ZNF175: variants seen among roughly 807,000 people sequenced by gnomAD.
The protein encoded by ZNF175 is zinc finger protein OTK18.
In ZNF175, 8 loss-of-function variants were observed where a neutral mutation model predicts 14.0. The observed-to-expected ratio is 0.57, with a 90% CI of 0.34 to 1.03. The LOEUF is 1.03. ZNF175 is among the 50% of genes least tolerant of loss of function. The probability of loss-of-function intolerance (pLI) is 0.03; values close to 1 mark genes in which losing one functional copy is unlikely to be tolerated. For missense variants in ZNF175, 764 were observed against 849.5 expected (o/e 0.90, Z 1.25); for synonymous variants, 255 against 296.8 (o/e 0.86, Z 1.45).
At chr19:51,581,365 CA>C (rs768386315) in intron 2 of ZNF175, 25 bp from the exon 3 acceptor site, 7 of 1,614,036 alleles carry the variant, frequency 4.3e-6, no homozygotes, top group Non-Finnish European at 5.9e-6. Context: ...ACCTAATTCA[CA>C]GTGAGCTGGG....
chr19:51,575,208 G>GTTTTTTTTTT (rs1491081799), intron 2 of ZNF175, among the ~76,000 whole-genome samples: 1 of 99,202 alleles, frequency 1.0e-5, no homozygotes, highest in Non-Finnish European at 1.9e-5. Context: ...TTTTTAGAGA[G>GTTTTTTTTTT]GTTTTTTTTT....
intron 2 of ZNF175, among the ~76,000 whole-genome samples, chr19:51,580,788 T>G (rs1041326138): frequency 6.6e-6 from 1 of 152,224 alleles, no homozygotes; most frequent in Non-Finnish European, 1.5e-5. Flanking sequence ...TCTCTAGTTT[T>G]ATTCATGCTC....
Position 51,590,086 on chromosome 19 carries a change from C to T in ZNF175, c.*1619C>T, listed in dbSNP as rs1314120821. ...TTAGCCATTCCCACAGTTTTGATTA[C>T]TTATTTCCTCCCCACACACATTTTT... On this transcript the variant is annotated 3_prime_UTR_variant, in exon 5 of 5. Coordinates refer to ENST00000262259, the MANE Select transcript of ZNF175 (RefSeq NM_007147.4). 1 of 153,276 alleles carries T rather than the reference C, an allele frequency of 6.5e-6. No homozygotes were observed. The highest frequency in any genetic ancestry group is 2.4e-5 in the African/African-American group (1 of 41,416). 9.5% of individuals were successfully genotyped at this position (153,276 alleles called of 1,614,324 possible).
chr19:51,581,625 C>T (rs1202391283), intron 3 of ZNF175, 108 bp downstream of exon 3: 21 of 1,530,960 alleles, frequency 1.4e-5, no homozygotes, highest in South Asian at 2.6e-5. Flanking sequence ...ACTCTTTTAT[C>T]GGTTTGTCCT....
At chr19:51,574,849 T>C (rs925501353) in intron 2 of ZNF175, among the ~76,000 whole-genome samples, 5 of 152,316 alleles carry the variant, frequency 3.3e-5, no homozygotes, top group Middle Eastern at 3.4e-3. Context: ...CAATGAAATT[T>C]TTTTTCTGCT....
Position 51,588,589 on chromosome 19 carries a change from G to C in ZNF175, c.*122G>C, listed in dbSNP as rs1336384170. On this transcript the variant is annotated 3_prime_UTR_variant, in exon 5 of 5. Coordinates refer to ENST00000262259, the MANE Select transcript of ZNF175 (RefSeq NM_007147.4). ...GAATTCATGCTTCAGAAAAACTCTA[G>C]GGATGCACTGCATGTGTGAACACAT... The C allele has an allele frequency of 9.0e-7, 1 of 1,106,552 alleles. No individual in the cohort carries two copies. The highest frequency in any genetic ancestry group is 1.6e-5 in the African/African-American group (1 of 62,844). 68.5% of individuals were successfully genotyped at this position (1,106,552 alleles called of 1,614,324 possible).
Position 51,590,053 on chromosome 19 carries a change from T to C in ZNF175, c.*1586T>C. 6.5e-6 allele frequency: 1 copy of C among 154,592 alleles called. No individual in the cohort carries two copies. Among genetic ancestry groups the C allele is most frequent in the East Asian group, 1.9e-4 (1 of 5,270 alleles). 9.6% of individuals were successfully genotyped at this position (154,592 alleles called of 1,614,324 possible). On this transcript the variant is annotated 3_prime_UTR_variant, in exon 5 of 5. Transcript: ENST00000262259. ...TGTATTCTATGAGGTTGACCTGCCA[T>C]AATTTATTTAGCCATTCCCACAGTT...
intron 2 of ZNF175, among the ~76,000 whole-genome samples, chr19:51,578,007 A>G (rs920838522): frequency 1.1e-4 from 17 of 151,830 alleles, no homozygotes; most frequent in Non-Finnish European, 2.2e-4. Context: ...TTTCTTCCAC[A>G]TAGGTAATTA....
intron 2 of ZNF175, chr19:51,573,768 C>T (rs1473412828): frequency 2.8e-6 from 1 of 362,372 alleles, no homozygotes; most frequent in Non-Finnish European, 4.8e-6. Flanking sequence ...AAATTCCTTG[C>T]TTGGTCCATG....
At position 51,588,128 on chromosome 19, in the gene ZNF175, G is replaced by A; in HGVS notation, c.1797G>A (p.Arg599=). The A allele has an allele frequency of 1.9e-6, 3 of 1,614,150 alleles. No homozygotes were observed. The highest frequency in any genetic ancestry group is 1.7e-6 in the Non-Finnish European group (2 of 1,180,022). ...CTECGKAFNG[R]SNFHKHQITH... is the part of the protein sequence containing the mutation. ...AATGTGGGAAGGCCTTCAACGGCAG[G>A]TCAAATTTCCATAAACATCAAATAA... The change falls in exon 5 of 5, where the codon AGG becomes AGA. Residue 599 remains arginine, a synonymous_variant. Coordinates refer to ENST00000262259, the MANE Select transcript of ZNF175 (RefSeq NM_007147.4).
At chr19:51,576,656 T>G (rs958222935) in intron 2 of ZNF175, among the ~76,000 whole-genome samples, 2 of 152,190 alleles carry the variant, frequency 1.3e-5, no homozygotes, top group African/African-American at 4.8e-5. Flanking sequence ...TTCCTATTGC[T>G]TTTTTGTCTT....
chr19:51,586,803 C>T lies in ZNF175; in HGVS notation c.472C>T (p.His158Tyr). 6.2e-7 allele frequency: 1 copy of T among 1,614,186 alleles called. No individual in the cohort carries two copies. Among genetic ancestry groups the T allele is most frequent in the Non-Finnish European group, 8.5e-7 (1 of 1,180,022 alleles). Residue 158 changes from histidine to tyrosine, a missense_variant, in exon 5 of 5, where the codon CAC becomes TAC. By Grantham distance (83) the His-to-Tyr change is moderately conservative. Transcript: ENST00000262259. ...DEQNQIQPMS[H>Y]SAFFNKKTLN... is the part of the protein sequence containing the mutation. ...GCAAAATCAAATTCAACCCATGAGT[C>T]ACAGTGCTTTCTTCAACAAGAAAAC... is the stretch of plus-strand genomic sequence containing the variant.
At position 51,581,898 on chromosome 19, in the gene ZNF175, C is replaced by A; in HGVS notation, c.295+16C>A. 6.2e-7 allele frequency: 1 copy of A among 1,608,190 alleles called. No homozygotes were observed. The highest frequency in any genetic ancestry group is 8.5e-7 in the Non-Finnish European group (1 of 1,175,564). On this transcript the variant is annotated intron_variant, in intron 4 of 4. Transcript: ENST00000262259. ...AGGTGTCAAGGTGAGTAAGTTGTAC[C>A]CGGGCAAATGTAGATATCTTTGCAG...
chr19:51,588,634 A>G lies in ZNF175; in HGVS notation c.*167A>G. On this transcript the variant is annotated 3_prime_UTR_variant, in exon 5 of 5. Transcript: ENST00000262259. ...ACACATGATAAAAAAGTCATGCTTT[A>G]TTTTAGTGAGGGCAATTACAGAGAA... 1.4e-6 allele frequency: 1 copy of G among 719,186 alleles called. No homozygotes were observed. The highest frequency in any genetic ancestry group is 2.1e-6 in the Non-Finnish European group (1 of 477,670). 44.6% of individuals were successfully genotyped at this position (719,186 alleles called of 1,614,324 possible).
intron 2 of ZNF175, among the ~76,000 whole-genome samples, chr19:51,579,999 T>G (rs1981942905): frequency 6.6e-6 from 1 of 151,970 alleles, no homozygotes; most frequent in East Asian, 1.9e-4. Context: ...ATATAGAATG[T>G]TTTAATATAT....
chr19:51,592,450 A>T lies in ZNF175; in HGVS notation c.*3983A>T. On this transcript the variant is annotated 3_prime_UTR_variant, in exon 5 of 5. Transcript: ENST00000262259. ...GAGTACAACACAAATGCTCGTTCTT[A>T]ATGATTCAACAAACATGGAATTTCA... The T allele has an allele frequency of 3.6e-6, 2 of 553,330 alleles. No individual in the cohort carries two copies. Among genetic ancestry groups the T allele is most frequent in the Non-Finnish European group, 6.3e-6 (2 of 316,880 alleles). The allele number at this position is 553,330 out of a possible 1,614,324, so 34.3% of individuals were successfully genotyped here. A position where few individuals can be genotyped will look rare whatever the true frequency, so the allele number is the denominator to read the frequency against.
intron 2 of ZNF175, among the ~76,000 whole-genome samples, chr19:51,580,558 A>T (rs1426650872): frequency 1.3e-5 from 2 of 152,226 alleles, no homozygotes; most frequent in African/African-American, 4.8e-5. Flanking sequence ...AGGAGAGATC[A>T]TCTTGTTGAA....
At chr19:51,581,993 C>T in intron 4 of ZNF175, 111 bp downstream of exon 4, 1 of 960,026 alleles carries the variant, frequency 1.0e-6, no homozygotes, top group South Asian at 1.5e-5. Context: ...TAGATTGCCT[C>T]CTACTCCCAG....
rs1982241556 is a variant in ZNF175, at chr19:51,588,277, G to T, written c.1946G>T (p.Gly649Val). The T allele has an allele frequency of 6.2e-7, 1 of 1,613,886 alleles. No homozygotes were observed. Among genetic ancestry groups the T allele is most frequent in the Non-Finnish European group, 8.5e-7 (1 of 1,179,994 alleles). ...GEKPYECLDCGKSFSKKPQLK... is the reference protein window; with the variant it reads ...GEKPYECLDCVKSFSKKPQLK... ...AAACCCTATGAATGCCTTGACTGTG[G>T]GAAATCGTTCAGTAAGAAACCACAA... The change falls in exon 5 of 5, where the codon GGG becomes GTG. Residue 649 changes from glycine (G) to valine (V), a missense_variant. By Grantham distance (109) the Gly-to-Val change is moderately radical (BLOSUM62 -3). Coordinates refer to ENST00000262259, the MANE Select transcript of ZNF175 (RefSeq NM_007147.4).
Sources: gnomAD v4.1 joint callset for allele counts (sites outside exome capture counted in the v4.1 genomes callset) on GRCh38, gnomAD v4.1.1 for gene constraint, MANE v1.5 for transcripts, NCBI Gene and HGNC (gene_info 2026-07-23, HGNC 2026-07-21) for gene names.